PIRT: variants seen among roughly 807,000 people sequenced by gnomAD.
PIRT encodes the protein phosphoinositide-interacting protein.
Under a neutral mutation model 7.9 loss-of-function variants are expected in PIRT, and 6 were observed. The observed-to-expected ratio is 0.76, with a 90% confidence interval of 0.42 to 1.51. The LOEUF (loss-of-function observed/expected upper bound fraction) is 1.51, where lower values mean the gene tolerates loss of function less well. Ranked by LOEUF, PIRT falls within the 40% of genes most tolerant of loss-of-function variation. The probability of loss-of-function intolerance (pLI) is 0.01; values close to 1 mark genes in which losing one functional copy is unlikely to be tolerated. For synonymous variants in PIRT, 78 were observed against 71.8 expected, an observed-to-expected ratio of 1.09 and a Z score of -0.44; for missense variants, 170 against 172.9, an observed-to-expected ratio of 0.98 and a Z score of 0.09.
At chr17:10,829,044 TC>T (rs1382414854) in intron 1 of PIRT, among the ~76,000 whole-genome samples, 2 of 152,200 alleles carry the variant, frequency 1.3e-5, no homozygotes, top group African/African-American at 2.4e-5. Context: ...GTGATTTTTT[TC>T]CCCCTGTGGG....
chr17:10,830,670 A>G (rs923364662), intron 1 of PIRT, among the ~76,000 whole-genome samples: 2 of 152,232 alleles, frequency 1.3e-5, no homozygotes, highest in African/African-American at 4.8e-5. Context: ...ATAAGTCTAT[A>G]GGTAATGAAT....
At position 10,827,465 on chromosome 17, in the gene PIRT, C is replaced by CTTTTTTTTTTTTTTTTTTTTTTT. The variant is rs546105685; in HGVS notation, c.-138-1705_-138-1683dup. Among the ~76,000 whole-genome samples the CTTTTTTTTTTTTTTTTTTTTTTT allele has an allele frequency of 1.9e-3, 106 of 56,302 alleles. 8 individuals are homozygous for CTTTTTTTTTTTTTTTTTTTTTTT. Among genetic ancestry groups the CTTTTTTTTTTTTTTTTTTTTTTT allele is most frequent in the African/African-American group, 3.4e-3 (46 of 13,338 alleles). The allele number at this position is 56,302 out of a possible 152,430, so 36.9% of individuals were successfully genotyped here. A position where few individuals can be genotyped will look rare whatever the true frequency, so the allele number is the denominator to read the frequency against. ...TCTTTCTTTTCTTTCTTTTTCTTTTCTTTTTTTTTTTTTTTTTTTTTTTTT... is the reference window on the plus strand; with the variant it reads ...TCTTTCTTTTCTTTCTTTTTCTTTTCTTTTTTTTTTTTTTTTTTTTTTTTTTTTTTTTTTTTTTTTTTTTTTTT... On this transcript the variant is annotated intron_variant, in intron 1 of 1. Transcript: ENST00000580256.
rs556997164 is a variant in PIRT, at chr17:10,824,427, T to C, written c.*805A>G. 1 of 152,236 alleles carries C rather than the reference T, an allele frequency of 6.6e-6. No homozygotes were observed. The highest frequency in any genetic ancestry group is 1.5e-5 in the Non-Finnish European group (1 of 68,058). The allele number at this position is 152,236 out of a possible 1,614,324, so 9.4% of individuals were successfully genotyped here. A position where few individuals can be genotyped will look rare whatever the true frequency, so the allele number is the denominator to read the frequency against. On this transcript the variant is annotated 3_prime_UTR_variant, in exon 2 of 2. Coordinates refer to ENST00000580256, the MANE Select transcript of PIRT (RefSeq NM_001101387.2). ...CATTTAGCTGTTCTAGATGCAGAGA[T>C]AGAGGCAGGGGTAGGAAAGAAATTA...
chr17:10,834,979 C>G (rs1025708841), intron 1 of PIRT, among the ~76,000 whole-genome samples: 32 of 152,020 alleles, frequency 2.1e-4, no homozygotes, highest in Non-Finnish European at 4.1e-4. Flanking sequence ...CCTTCCCACC[C>G]GGTGGTTGTA....
intron 1 of PIRT, among the ~76,000 whole-genome samples, chr17:10,827,470 T>TTTTC (rs1905357569): frequency 1.8e-5 from 2 of 112,616 alleles, no homozygotes; most frequent in African/African-American, 9.6e-5. Flanking sequence ...CTTTTCTTTT[T>TTTTC]TTTTTTTTTT....
At position 10,824,678 on chromosome 17, in the gene PIRT, C is replaced by T. The variant is rs1376236913; in HGVS notation, c.*554G>A. 18 of 154,060 alleles carry T rather than the reference C, an allele frequency of 1.2e-4. No individual in the cohort carries two copies. The highest frequency in any genetic ancestry group is 3.8e-4 in the Admixed American group (6 of 15,692). 9.5% of individuals were successfully genotyped at this position (154,060 alleles called of 1,614,324 possible). On this transcript the variant is annotated 3_prime_UTR_variant, in exon 2 of 2. Transcript: ENST00000580256. ...ATCTTGGAGAGTATTTTTCCCAGGC[C>T]TCCCTTCATTGTTCAGTCTTTGGAA...
chr17:10,831,164 G>A (rs72820716), intron 1 of PIRT, among the ~76,000 whole-genome samples: 25,306 of 152,106 alleles, frequency 0.17, 2,628 homozygotes, highest in East Asian at 0.32. Context: ...AGATGCTGCA[G>A]CTCTGTCGGG....
chr17:10,827,733 C>A (rs1016646255), intron 1 of PIRT, among the ~76,000 whole-genome samples: 1 of 152,016 alleles, frequency 6.6e-6, no homozygotes, highest in African/African-American at 2.4e-5. Context: ...CCTTAGCCTC[C>A]CAAAGTGCTG....
intron 1 of PIRT, among the ~76,000 whole-genome samples, chr17:10,827,460 C>CTTTTTTTTTTTT (rs1905352594): frequency 1.5e-5 from 1 of 66,966 alleles, no homozygotes. Context: ...CTTTCTTTTT[C>CTTTTTTTTTTTT]TTTTCTTTTT....
intron 1 of PIRT, among the ~76,000 whole-genome samples, chr17:10,827,465 CTTTTTTTTTTTTTT>C (rs546105685): frequency 3.6e-5 from 2 of 56,292 alleles, no homozygotes; most frequent in East Asian, 5.1e-4. Context: ...TTTTTCTTTT[CTTTTTTTTTTTTTT>C]TTTTTTTTTT....
intron 1 of PIRT, among the ~76,000 whole-genome samples, chr17:10,827,935 A>G (rs751156128): frequency 6.6e-6 from 1 of 152,292 alleles, no homozygotes. Context: ...AGGTTTCACA[A>G]AGTTACTGCC....
chr17:10,825,407 T>C lies in PIRT; in HGVS notation c.239A>G (p.Lys80Arg), dbSNP rs766043313. 2.5e-6 allele frequency: 4 copies of C among 1,613,954 alleles called. No homozygotes were observed. The highest frequency in any genetic ancestry group is 2.5e-6 in the Non-Finnish European group (3 of 1,179,886). The change falls in exon 2 of 2, where the codon AAG (lysine) becomes AGG (arginine). Residue 80 changes from lysine (K) to arginine (R), a missense_variant. Transcript: ENST00000580256. ...VVITCLAYTL[K>R]LSDKSLSILK... is the part of the protein sequence containing the mutation. ...GATGGAGAGACTCTTGTCACTCAGC[T>C]TCAAGGTGTAGGCCAAGCAGGTGAT...
chr17:10,837,484 T>C (rs1474321719), intron 1 of PIRT, among the ~76,000 whole-genome samples: 1 of 152,162 alleles, frequency 6.6e-6, no homozygotes, highest in Non-Finnish European at 1.5e-5. Flanking sequence ...TGACACAGGG[T>C]GCTCAGGAGG....
Position 10,825,084 on chromosome 17 carries a change from G to A in PIRT, c.*148C>T, listed in dbSNP as rs1905279266. 1.9e-6 allele frequency: 2 copies of A among 1,028,424 alleles called. No homozygotes were observed. The highest frequency in any genetic ancestry group is 5.6e-5 in the Admixed American group (2 of 35,644). 63.7% of individuals were successfully genotyped at this position (1,028,424 alleles called of 1,614,324 possible). Reference sequence around the variant, plus strand: ...AACATTCCCGGCTGCATGGAGGGTGGAGCCCCAAGCTCTATCTTCCCCACA... The same window carrying A: ...AACATTCCCGGCTGCATGGAGGGTGAAGCCCCAAGCTCTATCTTCCCCACA... On this transcript the variant is annotated 3_prime_UTR_variant, in exon 2 of 2. Coordinates refer to ENST00000580256, the MANE Select transcript of PIRT (RefSeq NM_001101387.2).
intron 1 of PIRT, among the ~76,000 whole-genome samples, chr17:10,828,060 C>G (rs1905375920): frequency 6.6e-6 from 1 of 152,196 alleles, no homozygotes; most frequent in Non-Finnish European, 1.5e-5. Context: ...TCCCTTCTTT[C>G]CCTTCCTCTT....
chr17:10,827,465 C>CTTTTTTTTTTTTTTTTTTTTTTTTTTTT lies in PIRT; in HGVS notation c.-138-1683_-138-1682insAAAAAAAAAAAAAAAAAAAAAAAAAAAA, dbSNP rs546105685. Among the ~76,000 whole-genome samples, 114 of 56,304 alleles carry CTTTTTTTTTTTTTTTTTTTTTTTTTTTT rather than the reference C, an allele frequency of 2.0e-3. 8 individuals carry two copies. The highest frequency in any genetic ancestry group is 2.7e-3 in the Non-Finnish European group (85 of 31,626). 36.9% of individuals were successfully genotyped at this position (56,304 alleles called of 152,430 possible). On this transcript the variant is annotated intron_variant, in intron 1 of 1. Coordinates refer to ENST00000580256, the MANE Select transcript of PIRT (RefSeq NM_001101387.2). ...TCTTTCTTTTCTTTCTTTTTCTTTT[C>CTTTTTTTTTTTTTTTTTTTTTTTTTTTT]TTTTTTTTTTTTTTTTTTTTTTTTT...
intron 1 of PIRT, among the ~76,000 whole-genome samples, chr17:10,833,844 A>G (rs1364931212): frequency 3.3e-5 from 5 of 152,252 alleles, no homozygotes; most frequent in Non-Finnish European, 7.3e-5. Flanking sequence ...AACATTACAT[A>G]TAACAAGTGA....
chr17:10,836,230 C>G (rs181002814), intron 1 of PIRT, among the ~76,000 whole-genome samples: 144 of 152,270 alleles, frequency 9.5e-4, no homozygotes, highest in South Asian at 1.2e-3. Flanking sequence ...TATGCTTTCT[C>G]AAGGAGAGGG....
In PIRT at chr17:10,823,473, C is replaced by T. The variant is rs1005192186; in HGVS notation, c.*1759G>A. 3 of 152,280 alleles carry T rather than the reference C, an allele frequency of 2.0e-5. No individual in the cohort carries two copies. Among genetic ancestry groups the T allele is most frequent in the African/African-American group, 4.8e-5 (2 of 41,450 alleles). The allele number at this position is 152,280 out of a possible 1,614,324, so 9.4% of individuals were successfully genotyped here. On this transcript the variant is annotated 3_prime_UTR_variant, in exon 2 of 2. Transcript: ENST00000580256. ...GAAGGAACAAGGATGGATTCTGGCT[C>T]TGCATATGGAACTGCCATGCAGGAT...
Sources: allele counts gnomAD v4.1 joint callset (sites outside exome capture counted in the v4.1 genomes callset), GRCh38; gene constraint gnomAD v4.1.1; transcripts MANE v1.5; gene names NCBI Gene and HGNC (gene_info 2026-07-23, HGNC 2026-07-21).